Variants in ZNF79 observed in about 807,000 individuals in gnomAD.
The protein encoded by ZNF79 is zinc finger protein 79.
ZNF79 carries 13 observed loss-of-function variants against 14.9 expected under a neutral mutation model. The ratio of observed to expected loss-of-function variants is 0.87; its 90% CI spans 0.57 to 1.38. The LOEUF is 1.38. Among genes scored for constraint, ZNF79 ranks in the 40% most tolerant of loss-of-function variants. ZNF79 has a pLI of 0.00. For missense variants in ZNF79, 631 were observed against 630.6 expected (o/e 1.00, Z -0.01); for synonymous variants, 223 against 235.1 (o/e 0.95, Z 0.47).
At position 127,435,149 on chromosome 9, in the gene ZNF79, C is replaced by T. The variant is rs115312374; in HGVS notation, c.165C>T (p.Leu55=). Reference sequence around the variant, plus strand: ...TTGCACAGGAAAGGTGGAGGTGCCTCGTGTCTACTCCACGGGACAGGTTCA... The same window carrying T: ...TTGCACAGGAAAGGTGGAGGTGCCTTGTGTCTACTCCACGGGACAGGTTCA... The part of the protein sequence containing the change: ...VAFAQERWRC[L]VSTPRDRFKE... The change falls in exon 3 of 5, where the codon CTC becomes CTT. Residue 55 remains leucine (L), a synonymous_variant. Coordinates refer to ENST00000342483, the MANE Select transcript of ZNF79 (RefSeq NM_007135.3). The T allele has an allele frequency of 4.8e-4, 774 of 1,613,284 alleles. 8 individuals are homozygous for T. In the African/African-American group the frequency reaches 8.6e-3, roughly 18 times the overall value.
Position 127,444,701 on chromosome 9 carries a change from A to G in ZNF79, c.1001A>G (p.Lys334Arg), listed in dbSNP as rs1588080389. 1 of 1,613,402 alleles carries G rather than the reference A, an allele frequency of 6.2e-7. No homozygotes were observed. The highest frequency in any genetic ancestry group is 8.5e-7 in the Non-Finnish European group (1 of 1,179,754). Residue 334 changes from lysine to arginine, a missense_variant, in exon 5 of 5, where the codon AAG (lysine) becomes AGG (arginine). Coordinates refer to ENST00000342483, the MANE Select transcript of ZNF79 (RefSeq NM_007135.3). ...QRTHTGEKPYKCSECGKAFSY... is the reference protein window; with the variant it reads ...QRTHTGEKPYRCSECGKAFSY... ...ACTCACACCGGGGAGAAGCCCTACA[A>G]GTGCAGCGAGTGTGGGAAGGCCTTC...
chr9:127,444,393 C>G lies in ZNF79; in HGVS notation c.693C>G (p.Ser231Arg). Reference protein sequence around the residue: ...YECSECGKAFSQSSSLIQHQR... With the variant: ...YECSECGKAFRQSSSLIQHQR... ...GCAGTGAATGTGGGAAGGCCTTCAG[C>G]CAGAGCTCATCTCTCATTCAGCACC... is the stretch of plus-strand genomic sequence containing the variant. The change falls in exon 5 of 5, where the codon AGC becomes AGG. Residue 231 changes from serine (S) to arginine (R), a missense_variant. Physicochemically the swap from Ser to Arg is moderately radical, Grantham distance 110. Transcript: ENST00000342483. The G allele has an allele frequency of 6.2e-7, 1 of 1,611,300 alleles. No homozygotes were observed. The highest frequency in any genetic ancestry group is 8.5e-7 in the Non-Finnish European group (1 of 1,178,406).
At chr9:127,436,129 G>A in intron 4 of ZNF79, 126 bp downstream of exon 4, 4 of 753,790 alleles carry the variant, frequency 5.3e-6, no homozygotes, top group African/African-American at 1.7e-5. Context: ...CTACAGATGA[G>A]GAAATGGAGC....
chr9:127,434,507 T>C (rs2131951253), intron 2 of ZNF79, among the ~76,000 whole-genome samples: 1 of 152,346 alleles, frequency 6.6e-6, no homozygotes, highest in South Asian at 2.1e-4. Flanking sequence ...TTTTGCCCAG[T>C]TACTTCACAC....
At chr9:127,439,370 T>C (rs1299184456) in intron 4 of ZNF79, among the ~76,000 whole-genome samples, 1 of 152,194 alleles carries the variant, frequency 6.6e-6, no homozygotes, top group Non-Finnish European at 1.5e-5. Flanking sequence ...ATCTTTCTTA[T>C]TTCACCAATT....
intron 2 of ZNF79, among the ~76,000 whole-genome samples, chr9:127,430,866 G>A (rs1355194188): frequency 1.3e-5 from 2 of 152,228 alleles, no homozygotes; most frequent in Non-Finnish European, 2.9e-5. Flanking sequence ...TTTTTCCGGA[G>A]TGACTGAACT....
At chr9:127,442,411 AAAAAG>A (rs1190110218) in intron 4 of ZNF79, among the ~76,000 whole-genome samples, 12 of 151,984 alleles carry the variant, frequency 7.9e-5, no homozygotes, top group Non-Finnish European at 1.0e-4. Flanking sequence ...CAAAAAAAAA[AAAAAG>A]AAAAGAAAAG....
intron 1 of ZNF79, chr9:127,428,536 C>T: frequency 2.4e-6 from 1 of 415,706 alleles, no homozygotes; most frequent in Non-Finnish European, 3.4e-6. Context: ...AAGGGTTTAT[C>T]ATCCCCATTT....
chr9:127,431,559 C>G (rs116916922), intron 2 of ZNF79, among the ~76,000 whole-genome samples: 1 of 152,118 alleles, frequency 6.6e-6, no homozygotes, highest in Non-Finnish European at 1.5e-5. Flanking sequence ...CTAATAGTTT[C>G]TTTTGCTGTA....
chr9:127,429,325 AT>A (rs934078677), intron 2 of ZNF79, among the ~76,000 whole-genome samples: 510 of 139,934 alleles, frequency 3.6e-3, no homozygotes, highest in African/African-American at 5.5e-3. Flanking sequence ...CTGTTTTATT[AT>A]TTTTTTTTTT....
rs1036769116 is a variant in ZNF79 at position 127,428,494 on chromosome 9, T to C, written c.17-338T>C. ...TTTGCCGACTGCTTTATCTGTATGT[T>C]CCTTTAATCTTCACAGCAGATTATC... On this transcript the variant is annotated intron_variant, in intron 1 of 4. Transcript: ENST00000342483. 2.6e-5 allele frequency: 5 copies of C among 191,952 alleles called. No homozygotes were observed. The East Asian group carries it at 7.3e-4, about 28-fold the overall frequency. 11.9% of individuals were successfully genotyped at this position (191,952 alleles called of 1,614,324 possible).
Position 127,431,319 on chromosome 9 carries a change from C to T in ZNF79, c.105+2399C>T, listed in dbSNP as rs1333323385. Among the ~76,000 whole-genome samples, 6 of 151,268 alleles carry T rather than the reference C, an allele frequency of 4.0e-5. No homozygotes were observed. In the East Asian group the frequency reaches 1.2e-3, roughly 29 times the overall value. On this transcript the variant is annotated intron_variant, in intron 2 of 4. Transcript: ENST00000342483. ...TCACCCAGTCTGGAGTGCAGTGGCA[C>T]AATCTCAGCTCACTGCAGCCTCCAC... is the stretch of plus-strand genomic sequence containing the variant.
intron 1 of ZNF79, chr9:127,428,577 T>C (rs905332020): frequency 8.2e-5 from 75 of 918,110 alleles, no homozygotes; most frequent in Non-Finnish European, 9.3e-5. Context: ...CTTAGAGAGG[T>C]TACGTGATTT....
At chr9:127,436,081 A>G (rs1833943661) in intron 4 of ZNF79, 78 bp downstream of exon 4, 1 of 1,230,472 alleles carries the variant, frequency 8.1e-7, no homozygotes, top group Non-Finnish European at 1.2e-6. Context: ...GTATTTGATT[A>G]TCATAACAAC....
At chr9:127,429,054 G>A (rs764949404) in intron 2 of ZNF79, 134 bp downstream of exon 2, 32 of 585,394 alleles carry the variant, frequency 5.5e-5, no homozygotes, top group Non-Finnish European at 6.7e-5. Context: ...TCACTCTGTC[G>A]CCCAGGCTGG....
In ZNF79 at chr9:127,445,244, G is replaced by T; in HGVS notation, c.*47G>T. ...AGAGAGTCCCGGACATGCCGACTCAGGACAGGTGGGTGAGGATCTGAGAAA... is the reference window on the plus strand; with the variant it reads ...AGAGAGTCCCGGACATGCCGACTCATGACAGGTGGGTGAGGATCTGAGAAA... On this transcript the variant is annotated 3_prime_UTR_variant, in exon 5 of 5. Coordinates refer to ENST00000342483, the MANE Select transcript of ZNF79 (RefSeq NM_007135.3). 6.3e-7 allele frequency: 1 copy of T among 1,581,390 alleles called. No homozygotes were observed. Among genetic ancestry groups the T allele is most frequent in the Non-Finnish European group, 8.6e-7 (1 of 1,159,696 alleles).
In ZNF79 at chr9:127,424,421, C is replaced by T. The variant is rs10819291; in HGVS notation, c.-367C>T. 25,711 of 225,562 alleles carry T rather than the reference C, an allele frequency of 0.11. 2,243 individuals are homozygous for T. The highest frequency in any genetic ancestry group is 0.3 in the Admixed American group (5,637 of 19,100). The allele number at this position is 225,562 out of a possible 1,614,324, so 14.0% of individuals were successfully genotyped here. A position where few individuals can be genotyped will look rare whatever the true frequency, so the allele number is the denominator to read the frequency against. On this transcript the variant is annotated 5_prime_UTR_variant, in exon 1 of 5. Coordinates refer to ENST00000342483, the MANE Select transcript of ZNF79 (RefSeq NM_007135.3). ...CTCTGGCGCTGGAGCCAGGACCTGG[C>T]GTTGGGCGGTACTTGGACAGCGGTT...
intron 4 of ZNF79, among the ~76,000 whole-genome samples, chr9:127,443,464 T>G (rs1443814613): frequency 6.6e-6 from 1 of 152,182 alleles, no homozygotes; most frequent in Non-Finnish European, 1.5e-5. Context: ...AGTTGTTTAT[T>G]AAGTATTATG....
Position 127,445,212 on chromosome 9 carries a change from G to C in ZNF79, c.*15G>C. 1 of 1,611,116 alleles carries C rather than the reference G, an allele frequency of 6.2e-7. No homozygotes were observed. Among genetic ancestry groups the C allele is most frequent in the African/African-American group, 1.3e-5 (1 of 75,014 alleles). On this transcript the variant is annotated 3_prime_UTR_variant, in exon 5 of 5. Coordinates refer to ENST00000342483, the MANE Select transcript of ZNF79 (RefSeq NM_007135.3). ...CCGGAGAGTAACTAGGAACATGGTA[G>C]AAGTGGAGAGAGTCCCGGACATGCC...
Sources: allele counts gnomAD v4.1 joint callset (sites outside exome capture counted in the v4.1 genomes callset), GRCh38; gene constraint gnomAD v4.1.1; transcripts MANE v1.5; gene names NCBI Gene and HGNC (gene_info 2026-07-23, HGNC 2026-07-21).